REDIC1: variants seen among roughly 807,000 people sequenced by gnomAD.
REDIC1 encodes the protein regulator of DNA class I crossover intermediates 1, also known as HEI10 Interacting Protein 1.
At chr12:39,868,228 G>C in the REDIC1 span, among the ~76,000 whole-genome samples, 1 of 152,168 alleles carries the variant, frequency 6.6e-6, no homozygotes, top group African/African-American at 2.4e-5. Flanking sequence ...TTCAAGAGAA[G>C]AGTCTCTCTT....
chr12:39,642,275 A>T, the REDIC1 span, among the ~76,000 whole-genome samples: 5 of 151,810 alleles, frequency 3.3e-5, no homozygotes, highest in South Asian at 8.3e-4. Flanking sequence ...CTTCTTCAAC[A>T]TGTTTCCTGG....
At chr12:39,756,049 G>T in the REDIC1 span, 1 of 151,896 alleles carries the variant, frequency 6.6e-6, no homozygotes, top group Admixed American at 6.6e-5. Context: ...TAGAAGAGCT[G>T]AATGTACCGA....
At chr12:39,704,622 CGT>C in the REDIC1 span, among the ~76,000 whole-genome samples, 2 of 151,816 alleles carry the variant, frequency 1.3e-5, no homozygotes, top group African/African-American at 2.4e-5. Flanking sequence ...CACATGCACA[CGT>C]ATGTTTATTG....
the REDIC1 span, among the ~76,000 whole-genome samples, chr12:39,661,633 A>G: frequency 2.6e-5 from 4 of 151,626 alleles, no homozygotes; most frequent in African/African-American, 9.7e-5. Context: ...TGTTTCCTTT[A>G]CTGTGAAGAA....
At chr12:39,634,393 G>A in the REDIC1 span, among the ~76,000 whole-genome samples, 1 of 152,042 alleles carries the variant, frequency 6.6e-6, no homozygotes, top group Non-Finnish European at 1.5e-5. Flanking sequence ...TATACTACAA[G>A]GCTACAGTAA....
chr12:39,848,274 A>G, the REDIC1 span, among the ~76,000 whole-genome samples: 1 of 152,214 alleles, frequency 6.6e-6, no homozygotes, highest in Non-Finnish European at 1.5e-5. Flanking sequence ...TTTACAAACT[A>G]TGCATCTGAC....
At chr12:39,764,658 A>C in the REDIC1 span, 1 of 1,581,974 alleles carries the variant, frequency 6.3e-7, no homozygotes, top group South Asian at 1.2e-5. Context: ...GCATGTAAGA[A>C]ATTTGAAAAA....
At chr12:39,664,512 T>C in the REDIC1 span, among the ~76,000 whole-genome samples, 2 of 152,192 alleles carry the variant, frequency 1.3e-5, no homozygotes, top group East Asian at 3.8e-4. Flanking sequence ...TCTTTGCTAT[T>C]GTGAATAGTG....
the REDIC1 span, among the ~76,000 whole-genome samples, chr12:39,700,578 G>A: frequency 6.6e-6 from 1 of 151,808 alleles, no homozygotes. Flanking sequence ...TCAGGAAACA[G>A]AGATAATGCC....
chr12:39,652,947 G>A, the REDIC1 span, among the ~76,000 whole-genome samples: 131,755 of 152,042 alleles, frequency 0.87, 57,339 homozygotes, highest in African/African-American at 0.92. Context: ...TTAGTTTTGA[G>A]ATCAAAGAAG....
chr12:39,786,294 T>C, the REDIC1 span, among the ~76,000 whole-genome samples: 2 of 151,940 alleles, frequency 1.3e-5, no homozygotes, highest in Non-Finnish European at 2.9e-5. Flanking sequence ...GATCTGATGG[T>C]TTTATCAGGG....
chr12:39,664,418 T>C, the REDIC1 span, among the ~76,000 whole-genome samples: 3 of 152,196 alleles, frequency 2.0e-5, no homozygotes, highest in African/African-American at 7.2e-5. Context: ...TCCTTTTTTA[T>C]GGCTGCATAG....
chr12:39,852,137 T>C, the REDIC1 span, among the ~76,000 whole-genome samples: 1 of 152,184 alleles, frequency 6.6e-6, no homozygotes, highest in Admixed American at 6.5e-5. Context: ...CTGCTTGTTA[T>C]GAGGTTTGTA....
chr12:39,720,745 A>G, the REDIC1 span: 2 of 1,410,682 alleles, frequency 1.4e-6, no homozygotes, highest in Middle Eastern at 2.2e-4. Flanking sequence ...CATTTTTAAA[A>G]TGTAAGCATG....
At chr12:39,731,325 C>T in the REDIC1 span, among the ~76,000 whole-genome samples, 13 of 152,094 alleles carry the variant, frequency 8.5e-5, no homozygotes, top group South Asian at 2.1e-4. Flanking sequence ...TGGTGACCTT[C>T]GGATGGGGTT....
At chr12:39,712,391 C>CGT in the REDIC1 span, among the ~76,000 whole-genome samples, 1 of 120,856 alleles carries the variant, frequency 8.3e-6, no homozygotes, top group African/African-American at 3.0e-5. Context: ...TATATATATA[C>CGT]CTGTATGTAT....
At chr12:39,646,950 C>T in the REDIC1 span, 9 of 1,115,948 alleles carry the variant, frequency 8.1e-6, no homozygotes, top group African/African-American at 1.6e-5. Context: ...ACCTAATGAT[C>T]TAAATGTCTG....
At chr12:39,866,481 G>T in the REDIC1 span, among the ~76,000 whole-genome samples, 4 of 152,080 alleles carry the variant, frequency 2.6e-5, no homozygotes, top group African/African-American at 9.7e-5. Flanking sequence ...TAATGTATTT[G>T]AAAGATTTTT....
chr12:39,866,998 C>A, the REDIC1 span, among the ~76,000 whole-genome samples: 1 of 152,106 alleles, frequency 6.6e-6, no homozygotes, highest in African/African-American at 2.4e-5. Context: ...AAAATTCAAA[C>A]CAGAACTAGG....
Sources: allele counts gnomAD v4.1 joint callset (sites outside exome capture counted in the v4.1 genomes callset), GRCh38; gene constraint gnomAD v4.1.1; transcripts MANE v1.5; gene names NCBI Gene and HGNC (gene_info 2026-07-23, HGNC 2026-07-21).